SCML4: variants seen among roughly 807,000 people sequenced by gnomAD.
The protein encoded by SCML4 is Scm polycomb group protein like 4.
Under a neutral mutation model 41.1 loss-of-function variants are expected in SCML4, and 34 were observed. The ratio of observed to expected loss-of-function variants is 0.83; its 90% CI spans 0.63 to 1.10. SCML4 has a LOEUF of 1.10. SCML4 is among the 50% of genes least tolerant of loss of function. The pLI, the probability that SCML4 is intolerant of heterozygous loss-of-function variation, is 0.00. For missense variants in SCML4, 522 were observed against 534.1 expected (o/e 0.98, Z 0.22); for synonymous variants, 214 against 220.9 (o/e 0.97, Z 0.28).
the SCML4 span, among the ~76,000 whole-genome samples, chr6:107,844,935 T>TA: frequency 0.019 from 2,739 of 141,618 alleles, 87 homozygotes; most frequent in African/African-American, 0.069. Context: ...ATATGTATAT[T>TA]AAAAAAAAAA....
chr6:107,728,181 A>G (rs1776181833), intron 5 of SCML4, among the ~76,000 whole-genome samples: 1 of 152,280 alleles, frequency 6.6e-6, no homozygotes, highest in African/African-American at 2.4e-5. Flanking sequence ...TAGTTCTGAT[A>G]GTCTAAGGTA....
At chr6:107,752,618 G>C (rs1358293644) in intron 2 of SCML4, among the ~76,000 whole-genome samples, 1 of 152,128 alleles carries the variant, frequency 6.6e-6, no homozygotes, top group East Asian at 1.9e-4. Flanking sequence ...GAATGGAAAG[G>C]TTCTTTCAAG....
rs1489827607 is a variant in SCML4, at chr6:107,769,516, C to A, written c.156+2656G>T. Among the ~76,000 whole-genome samples, 3 of 152,262 alleles carry A rather than the reference C, an allele frequency of 2.0e-5. No homozygotes were observed. In the East Asian group the frequency reaches 5.8e-4, roughly 29 times the overall value. On this transcript the variant is annotated intron_variant, in intron 2 of 7. Transcript: ENST00000369020. ...TGGGGAAGCATCAGGCAAGAAGTGACAAATGTCAACCAGCATAGACTTGTT... is the reference window on the plus strand; with the variant it reads ...TGGGGAAGCATCAGGCAAGAAGTGAAAAATGTCAACCAGCATAGACTTGTT...
At chr6:107,805,396 T>G (rs1450746365) in intron 1 of SCML4, among the ~76,000 whole-genome samples, 2 of 152,194 alleles carry the variant, frequency 1.3e-5, no homozygotes, top group Non-Finnish European at 2.9e-5. Flanking sequence ...ACATCAGATA[T>G]CATCTTTTTT....
intron 6 of SCML4, chr6:107,719,119 A>G (rs1164060378): frequency 6.6e-6 from 1 of 152,262 alleles, no homozygotes; most frequent in Non-Finnish European, 1.5e-5. Flanking sequence ...AAATGGAACA[A>G]TGTTGCTCTC....
At chr6:107,820,223 C>A (rs932985292) in intron 1 of SCML4, among the ~76,000 whole-genome samples, 2 of 152,186 alleles carry the variant, frequency 1.3e-5, no homozygotes, top group Admixed American at 6.5e-5. Flanking sequence ...GCAATGCTAA[C>A]ATTTGAAAGA....
intron 1 of SCML4, among the ~76,000 whole-genome samples, chr6:107,787,188 C>T (rs1231116134): frequency 6.6e-6 from 1 of 152,200 alleles, no homozygotes; most frequent in Non-Finnish European, 1.5e-5. Flanking sequence ...GGGACTGATA[C>T]AACATGAAAG....
the SCML4 span, among the ~76,000 whole-genome samples, chr6:107,832,794 G>A: frequency 1.3e-5 from 2 of 152,218 alleles, no homozygotes; most frequent in African/African-American, 4.8e-5. Flanking sequence ...CGTAGGGAGC[G>A]GTAGAGGATA....
intron 1 of SCML4, among the ~76,000 whole-genome samples, chr6:107,810,250 G>A (rs1035024852): frequency 1.3e-5 from 2 of 152,142 alleles, no homozygotes; most frequent in Non-Finnish European, 2.9e-5. Flanking sequence ...GCCATACTGG[G>A]TAGGGCCCAG....
At chr6:107,840,119 GA>G in the SCML4 span, among the ~76,000 whole-genome samples, 2 of 152,162 alleles carry the variant, frequency 1.3e-5, no homozygotes, top group African/African-American at 4.8e-5. Context: ...ATTGTAAACA[GA>G]AATCCAAGGA....
intron 3 of SCML4, among the ~76,000 whole-genome samples, chr6:107,749,368 G>A (rs994238777): frequency 6.6e-6 from 1 of 152,008 alleles, no homozygotes; most frequent in African/African-American, 2.4e-5. Flanking sequence ...CAGTGCAATG[G>A]ATCAGCGCAC....
chr6:107,708,902 C>T (rs988780843), intron 6 of SCML4, among the ~76,000 whole-genome samples: 6 of 152,146 alleles, frequency 3.9e-5, no homozygotes, highest in African/African-American at 7.2e-5. Context: ...CATCCTCTTT[C>T]CCTAGAGCCA....
chr6:107,844,898 C>T, the SCML4 span, among the ~76,000 whole-genome samples: 2 of 141,806 alleles, frequency 1.4e-5, no homozygotes, highest in Admixed American at 7.1e-5. Context: ...TACGACTCAA[C>T]AACAACAACA....
At chr6:107,823,999 C>G (rs1785131511) in intron 1 of SCML4, 127 bp downstream of exon 1, 1 of 152,218 alleles carries the variant, frequency 6.6e-6, no homozygotes, top group East Asian at 1.9e-4. Flanking sequence ...GCAGGACACT[C>G]TTGTGCGTTG....
At chr6:107,781,062 C>T (rs192132172) in intron 1 of SCML4, among the ~76,000 whole-genome samples, 33 of 151,758 alleles carry the variant, frequency 2.2e-4, no homozygotes, top group East Asian at 1.4e-3. Context: ...GTGATTTAGG[C>T]GATTTTAGTA....
At chr6:107,826,480 T>C (rs1248830475), upstream of SCML4, among the ~76,000 whole-genome samples, 1 of 152,162 alleles carries the variant, frequency 6.6e-6, no homozygotes, top group African/African-American at 2.4e-5. Flanking sequence ...ATTTTCACTC[T>C]AAAATGTTTC....
chr6:107,778,952 G>A (rs371301254), intron 1 of SCML4, among the ~76,000 whole-genome samples: 2,469 of 152,084 alleles, frequency 0.016, 77 homozygotes, highest in African/African-American at 0.057. Context: ...AGGCCGAGGC[G>A]GGCGGATCAC....
chr6:107,751,148 C>A (rs895683006), intron 2 of SCML4, among the ~76,000 whole-genome samples: 6 of 151,842 alleles, frequency 4.0e-5, no homozygotes, highest in Non-Finnish European at 4.4e-5. Flanking sequence ...GGGAGACAGA[C>A]AATAAACAGA....
the SCML4 span, among the ~76,000 whole-genome samples, chr6:107,832,798 G>C: frequency 6.6e-6 from 1 of 152,358 alleles, no homozygotes; most frequent in Admixed American, 6.5e-5. Context: ...GGGAGCGGTA[G>C]AGGATAGGGT....
Sources: allele counts gnomAD v4.1 joint callset (sites outside exome capture counted in the v4.1 genomes callset), GRCh38; gene constraint gnomAD v4.1.1; transcripts MANE v1.5; gene names NCBI Gene and HGNC (gene_info 2026-07-23, HGNC 2026-07-21).